Variants in RBPJ observed in about 807,000 individuals in gnomAD.
The protein encoded by RBPJ is recombination signal binding protein for immunoglobulin kappa J region, also known as recombining binding protein suppressor of hairless.
Under a neutral mutation model 67.8 loss-of-function variants are expected in RBPJ, and 9 were observed. The observed-to-expected ratio is 0.13, with a 90% CI of 0.08 to 0.23. RBPJ has a LOEUF of 0.23. RBPJ is among the 10% of genes least tolerant of loss of function. The probability of loss-of-function intolerance (pLI) is 1.00; values close to 1 mark genes in which losing one functional copy is unlikely to be tolerated. For synonymous variants in RBPJ, 198 were observed against 203.3 expected (o/e 0.97, Z 0.22); for missense variants, 305 against 595.6 (o/e 0.51, Z 5.08).
At chr4:26,263,736 T>A (rs1237744062) in intron 1 of RBPJ, among the ~76,000 whole-genome samples, 2 of 152,054 alleles carry the variant, frequency 1.3e-5, no homozygotes, top group Non-Finnish European at 2.9e-5. Flanking sequence ...CACGCCCAGC[T>A]AATTTTTGTA....
intron 1 of RBPJ, among the ~76,000 whole-genome samples, chr4:26,242,508 A>G (rs76391537): frequency 0.066 from 10,037 of 151,796 alleles, 365 homozygotes; most frequent in Middle Eastern, 0.12. Flanking sequence ...ACAGATCCTC[A>G]GGAACCACTA....
intron 1 of RBPJ, among the ~76,000 whole-genome samples, chr4:26,241,514 CGTTT>C (rs1719636999): frequency 6.6e-6 from 1 of 151,428 alleles, no homozygotes; most frequent in African/African-American, 2.4e-5. Flanking sequence ...TTTTGTTTTT[CGTTT>C]GTTTGTTTTT....
chr4:26,160,919 G>A (rs547110742), upstream of RBPJ, among the ~76,000 whole-genome samples: 3 of 152,266 alleles, frequency 2.0e-5, no homozygotes, highest in East Asian at 1.9e-4. Context: ...TCTCTTGCCC[G>A]GTCTCCCACC....
intron 4 of RBPJ, among the ~76,000 whole-genome samples, chr4:26,418,058 C>T (rs931966751): frequency 2.0e-5 from 3 of 152,184 alleles, no homozygotes; most frequent in Non-Finnish European, 4.4e-5. Flanking sequence ...AGTTAACACT[C>T]TTGTGTTTTT....
rs1245359104 is a variant in RBPJ at position 26,191,180 on chromosome 4, AATATATATAT to A, written c.-167+27588_-167+27597del. On this transcript the variant is annotated intron_variant, in intron 1 of 4. Coordinates refer to the RBPJ transcript ENST00000512351. ...AAAAAAAAAAAAAAAAAAAAAAAAA[AATATATATAT>A]ATATATATATATATATATATAGAGA... 4.8e-3 allele frequency among the ~76,000 whole-genome samples: 285 copies of A among 59,652 alleles called. 4 individuals are homozygous for A. The highest frequency in any genetic ancestry group is 7.2e-3 in the African/African-American group (104 of 14,390). The allele number at this position is 59,652 out of a possible 152,430, so 39.1% of individuals were successfully genotyped here.
At chr4:26,298,072 G>C (rs1305966433) in intron 1 of RBPJ, among the ~76,000 whole-genome samples, 1 of 151,980 alleles carries the variant, frequency 6.6e-6, no homozygotes, top group Non-Finnish European at 1.5e-5. Context: ...ACGGATTAAT[G>C]TTTTAATTCA....
At chr4:26,381,206 A>G (rs1730293467) in intron 1 of RBPJ, among the ~76,000 whole-genome samples, 10 of 151,876 alleles carry the variant, frequency 6.6e-5, no homozygotes, top group Admixed American at 6.6e-4. Flanking sequence ...TTTGTCCTCA[A>G]TACATTTATG....
chr4:26,283,881 T>A (rs144609703), intron 1 of RBPJ, among the ~76,000 whole-genome samples: 15 of 152,248 alleles, frequency 9.9e-5, no homozygotes, highest in African/African-American at 3.4e-4. Flanking sequence ...TTTGACCTCG[T>A]GATCCATCCG....
At chr4:26,356,752 C>T (rs888658018) in intron 1 of RBPJ, among the ~76,000 whole-genome samples, 1 of 152,194 alleles carries the variant, frequency 6.6e-6, no homozygotes, top group Non-Finnish European at 1.5e-5. Flanking sequence ...TTAGAAACAA[C>T]ACTGCAGTGA....
chr4:26,172,131 C>G (rs1478508973), intron 1 of RBPJ, among the ~76,000 whole-genome samples: 1 of 152,162 alleles, frequency 6.6e-6, no homozygotes, highest in Non-Finnish European at 1.5e-5. Flanking sequence ...AACATTTCAA[C>G]AACATGGATG....
chr4:26,211,989 A>T (rs1447110181), intron 1 of RBPJ, among the ~76,000 whole-genome samples: 1 of 152,146 alleles, frequency 6.6e-6, no homozygotes, highest in African/African-American at 2.4e-5. Flanking sequence ...ATCACCAAAG[A>T]TTGCCAGCAA....
At chr4:26,402,997 C>T (rs910725975) in intron 2 of RBPJ, among the ~76,000 whole-genome samples, 1 of 152,224 alleles carries the variant, frequency 6.6e-6, no homozygotes, top group East Asian at 1.9e-4. Context: ...TCTTCTGTTA[C>T]CGTCTTCTTA....
At chr4:26,280,136 T>A (rs1181736969) in intron 1 of RBPJ, among the ~76,000 whole-genome samples, 1 of 151,028 alleles carries the variant, frequency 6.6e-6, no homozygotes, top group African/African-American at 2.4e-5. Context: ...AGCTCACTCC[T>A]GTAATCCCTG....
At chr4:26,399,238 T>TA (rs995143951) in intron 2 of RBPJ, among the ~76,000 whole-genome samples, 3 of 152,254 alleles carry the variant, frequency 2.0e-5, no homozygotes, top group Admixed American at 2.0e-4. Context: ...GAGAAGATTC[T>TA]AATTAAGCCG....
chr4:26,307,007 C>A (rs781118769), intron 1 of RBPJ, among the ~76,000 whole-genome samples: 34 of 152,018 alleles, frequency 2.2e-4, no homozygotes, highest in Non-Finnish European at 4.7e-4. Context: ...GGGTACTTCA[C>A]ATAAAATATT....
intron 4 of RBPJ, among the ~76,000 whole-genome samples, chr4:26,417,895 A>C (rs1218295974): frequency 2.0e-5 from 3 of 152,234 alleles, no homozygotes; most frequent in Admixed American, 6.5e-5. Flanking sequence ...ACAAAATTCT[A>C]GTATATCTAG....
At chr4:26,407,179 A>G (rs895983364) in intron 3 of RBPJ, among the ~76,000 whole-genome samples, 2 of 152,210 alleles carry the variant, frequency 1.3e-5, no homozygotes, top group Admixed American at 6.5e-5. Flanking sequence ...TTTTTACGCA[A>G]ATGTGACCCC....
At chr4:26,132,354 T>C in the RBPJ span, among the ~76,000 whole-genome samples, 3 of 152,180 alleles carry the variant, frequency 2.0e-5, no homozygotes, top group Admixed American at 1.3e-4. Flanking sequence ...CAGACAATTA[T>C]TGTATCTCTT....
At chr4:26,411,842 T>A (rs566448043) in intron 3 of RBPJ, among the ~76,000 whole-genome samples, 1 of 151,950 alleles carries the variant, frequency 6.6e-6, no homozygotes, top group Non-Finnish European at 1.5e-5. Flanking sequence ...GCGCGGTGGC[T>A]CACGCCTGTA....
Sources: allele counts gnomAD v4.1 joint callset (sites outside exome capture counted in the v4.1 genomes callset), GRCh38; gene constraint gnomAD v4.1.1; transcripts MANE v1.5; gene names NCBI Gene and HGNC (gene_info 2026-07-23, HGNC 2026-07-21).